PALM2AKAP2: variants seen among roughly 807,000 people sequenced by gnomAD.
PALM2AKAP2 encodes PALM2-AKAP2 fusion protein.
In PALM2AKAP2, 37 loss-of-function variants were observed where a neutral mutation model predicts 71.5. That is an observed-to-expected ratio of 0.52 (90% CI 0.40 to 0.68). PALM2AKAP2 has a LOEUF of 0.68. PALM2AKAP2 is among the 30% of genes least tolerant of loss of function. PALM2AKAP2 has a pLI of 0.00. For synonymous variants in PALM2AKAP2, 468 were observed against 478.8 expected (o/e 0.98, Z 0.29); for missense variants, 1,224 against 1,191.8 (o/e 1.03, Z -0.40).
upstream of PALM2AKAP2, among the ~76,000 whole-genome samples, chr9:109,779,519 T>G (rs542001378): frequency 4.0e-5 from 6 of 151,796 alleles, no homozygotes; most frequent in East Asian, 7.7e-4. Flanking sequence ...ACCTATGTGA[T>G]CCTCCATTTT....
chr9:110,122,424 G>C (rs1166613451), intron 1 of PALM2AKAP2, among the ~76,000 whole-genome samples: 1 of 152,224 alleles, frequency 6.6e-6, no homozygotes, highest in Non-Finnish European at 1.5e-5. Context: ...GAGCACTGCT[G>C]CATTTTGGGG....
intron 1 of PALM2AKAP2, among the ~76,000 whole-genome samples, chr9:109,839,420 G>A (rs1389035700): frequency 3.9e-5 from 6 of 152,154 alleles, no homozygotes; most frequent in Non-Finnish European, 8.8e-5. Context: ...CAAACCCACA[G>A]CCAATATCAT....
intron 2 of PALM2AKAP2, among the ~76,000 whole-genome samples, chr9:109,878,623 T>C (rs1392821020): frequency 6.6e-6 from 1 of 152,146 alleles, no homozygotes; most frequent in African/African-American, 2.4e-5. Flanking sequence ...TCCAGGTTGA[T>C]TGAACTTGCT....
intron 3 of PALM2AKAP2, among the ~76,000 whole-genome samples, chr9:109,905,378 CA>C (rs11366008): frequency 0.086 from 13,066 of 152,230 alleles, 1,010 homozygotes; most frequent in East Asian, 0.29. Flanking sequence ...ACTTCTGCCT[CA>C]ACACCATCTG....
intron 1 of PALM2AKAP2, among the ~76,000 whole-genome samples, chr9:110,111,086 C>CTTTTTTTTTTTTTTTTTTTTTTTTTTTTT (rs34958946): frequency 1.1e-4 from 9 of 84,188 alleles, no homozygotes; most frequent in East Asian, 4.1e-4. Context: ...TTTCTTTCTT[C>CTTTTTTTTTTTTTTTTTTTTTTTTTTTTT]TTTTTTTTTT....
chr9:110,089,681 C>G (rs977528466), intron 1 of PALM2AKAP2, among the ~76,000 whole-genome samples: 1 of 152,186 alleles, frequency 6.6e-6, no homozygotes, highest in African/African-American at 2.4e-5. Context: ...CATTTTGTAT[C>G]GTGTTTCACA....
intron 3 of PALM2AKAP2, among the ~76,000 whole-genome samples, chr9:109,918,749 C>A (rs1191713770): frequency 1.3e-5 from 2 of 152,228 alleles, no homozygotes; most frequent in African/African-American, 2.4e-5. Flanking sequence ...ACTGACCACA[C>A]CCTCAGAGCC....
chr9:110,110,191 A>T (rs1353230089), intron 1 of PALM2AKAP2, among the ~76,000 whole-genome samples: 2 of 152,254 alleles, frequency 1.3e-5, no homozygotes, highest in Non-Finnish European at 2.9e-5. Flanking sequence ...CAAGTTGCAT[A>T]CCATAAATGT....
chr9:109,875,138 C>T (rs2131732896), intron 2 of PALM2AKAP2, among the ~76,000 whole-genome samples: 1 of 152,332 alleles, frequency 6.6e-6, no homozygotes, highest in East Asian at 1.9e-4. Context: ...TATGGTCCAG[C>T]CACTCGGGCA....
intron 1 of PALM2AKAP2, among the ~76,000 whole-genome samples, chr9:109,664,143 A>G (rs1037326541): frequency 6.6e-6 from 1 of 151,986 alleles, no homozygotes; most frequent in Non-Finnish European, 1.5e-5. Context: ...TCTTTCTCCA[A>G]TTTGCCAGTC....
chr9:109,961,350 T>C (rs1441091320), intron 6 of PALM2AKAP2, among the ~76,000 whole-genome samples: 1 of 152,172 alleles, frequency 6.6e-6, no homozygotes, highest in Non-Finnish European at 1.5e-5. Flanking sequence ...TCTTCCTTGA[T>C]TTTCTCCAGT....
upstream of PALM2AKAP2, among the ~76,000 whole-genome samples, chr9:110,046,747 C>T (rs867822803): frequency 2.0e-5 from 3 of 152,064 alleles, no homozygotes; most frequent in South Asian, 4.1e-4. Context: ...GGATTACAGG[C>T]GTGAGCCACT....
chr9:109,878,771 C>G (rs1320229164), intron 2 of PALM2AKAP2, among the ~76,000 whole-genome samples: 1 of 152,142 alleles, frequency 6.6e-6, no homozygotes, highest in Admixed American at 6.5e-5. Flanking sequence ...GAGTTTCGCT[C>G]TTGTTGCGCA....
intron 1 of PALM2AKAP2, among the ~76,000 whole-genome samples, chr9:109,819,316 T>C (rs1018100073): frequency 6.6e-6 from 1 of 152,236 alleles, no homozygotes; most frequent in Non-Finnish European, 1.5e-5. Context: ...GGCTTTTACA[T>C]TCGTGTAATC....
intron 5 of PALM2AKAP2, among the ~76,000 whole-genome samples, chr9:109,929,178 T>G (rs376038022): frequency 1.6e-4 from 24 of 148,556 alleles, no homozygotes; most frequent in African/African-American, 5.7e-4. Flanking sequence ...AGTTTTTTTT[T>G]TTTTGTTTCT....
intron 2 of PALM2AKAP2, among the ~76,000 whole-genome samples, chr9:110,148,937 G>T (rs1445873140): frequency 6.6e-6 from 1 of 152,260 alleles, no homozygotes; most frequent in Non-Finnish European, 1.5e-5. Flanking sequence ...GGAAGATTTG[G>T]ACAGTCAGGG....
intron 1 of PALM2AKAP2, 38 bp downstream of exon 1, chr9:109,780,571 C>G (rs751841432): frequency 1.9e-6 from 3 of 1,612,942 alleles, no homozygotes; most frequent in Non-Finnish European, 2.5e-6. Context: ...GCTCTATTGT[C>G]TGGGGTGGAA....
At chr9:109,792,078 G>A (rs1300030818) in intron 1 of PALM2AKAP2, among the ~76,000 whole-genome samples, 1 of 152,102 alleles carries the variant, frequency 6.6e-6, no homozygotes, top group East Asian at 1.9e-4. Context: ...ACAGTATAAA[G>A]CTATGTGAGT....
At chr9:110,089,563 A>G (rs887539534) in intron 1 of PALM2AKAP2, among the ~76,000 whole-genome samples, 1 of 152,238 alleles carries the variant, frequency 6.6e-6, no homozygotes. Flanking sequence ...GTTTAAAAAA[A>G]TCCCTTCTTA....
Sources: gnomAD v4.1 joint callset for allele counts (sites outside exome capture counted in the v4.1 genomes callset) on GRCh38, gnomAD v4.1.1 for gene constraint, MANE v1.5 for transcripts, NCBI Gene and HGNC (gene_info 2026-07-23, HGNC 2026-07-21) for gene names.